The following PDE1A variants were observed in gnomAD, a reference collection of about 807,000 sequenced individuals.
PDE1A encodes the protein phosphodiesterase 1A.
A neutral mutation model predicts 61.7 loss-of-function variants in PDE1A; 35 were observed. The observed-to-expected ratio is 0.57, with a 90% CI of 0.43 to 0.75. The LOEUF (loss-of-function observed/expected upper bound fraction) is 0.75, where lower values mean the gene tolerates loss of function less well. PDE1A is among the 30% of genes least tolerant of loss of function. The probability of loss-of-function intolerance (pLI) is 0.00; values close to 1 mark genes in which losing one functional copy is unlikely to be tolerated. For synonymous variants in PDE1A, 232 were observed against 213.2 expected (o/e 1.09, Z -0.77); for missense variants, 597 against 630.6 (o/e 0.95, Z 0.57).
intron 1 of PDE1A, among the ~76,000 whole-genome samples, chr2:182,338,047 A>G (rs1293331823): frequency 6.6e-6 from 1 of 152,204 alleles, no homozygotes; most frequent in African/African-American, 2.4e-5. Context: ...CACAGTTTGA[A>G]TGGATTAAAA....
intron 1 of PDE1A, among the ~76,000 whole-genome samples, chr2:182,319,820 G>T (rs966977470): frequency 6.6e-6 from 1 of 152,132 alleles, no homozygotes; most frequent in South Asian, 2.1e-4. Flanking sequence ...TATTTAATTG[G>T]CATGTAATGG....
chr2:182,177,081 G>A lies in PDE1A; in HGVS notation c.1517-8791C>T, dbSNP rs971012883. On this transcript the variant is annotated intron_variant, in intron 13 of 13. Coordinates refer to ENST00000351439, the Ensembl canonical transcript of PDE1A. ...CGCTTTTTGATGTGCTGCTGGATTC[G>A]TTTTGCCAGTATTTTATTGAGGATT... Among the ~76,000 whole-genome samples, 229 of 151,272 alleles carry A rather than the reference G, an allele frequency of 1.5e-3. 2 individuals are homozygous for A. The highest frequency in any genetic ancestry group is 0.01 in the Middle Eastern group (3 of 294).
intron 1 of PDE1A, among the ~76,000 whole-genome samples, chr2:182,384,188 TTACAAA>T: frequency 6.6e-6 from 1 of 152,310 alleles, no homozygotes; most frequent in East Asian, 1.9e-4. Context: ...CAAAGCCAGT[TTACAAA>T]TACTGAAATG....
chr2:182,429,695 A>G (rs1703829794), upstream of PDE1A, among the ~76,000 whole-genome samples: 3 of 152,146 alleles, frequency 2.0e-5, no homozygotes, highest in African/African-American at 7.2e-5. Flanking sequence ...AGATCAACCC[A>G]TGTGACTTTT....
chr2:182,496,603 G>C (rs1433137336), intron 2 of PDE1A, among the ~76,000 whole-genome samples: 1 of 152,172 alleles, frequency 6.6e-6, no homozygotes, highest in East Asian at 1.9e-4. Context: ...AATTGAAAGG[G>C]GCCTGAAAGC....
At chr2:182,389,894 G>A (rs1216620277) in intron 1 of PDE1A, among the ~76,000 whole-genome samples, 2 of 152,178 alleles carry the variant, frequency 1.3e-5, no homozygotes, top group Non-Finnish European at 2.9e-5. Flanking sequence ...GATGCTTCCT[G>A]CCCTTGAATA....
intron 1 of PDE1A, among the ~76,000 whole-genome samples, chr2:182,383,535 G>A (rs563272406): frequency 6.6e-6 from 1 of 152,292 alleles, no homozygotes; most frequent in East Asian, 1.9e-4. Context: ...AAGGAAAAGT[G>A]AATTAGATAA....
At chr2:182,515,410 G>A (rs183490284) in intron 2 of PDE1A, among the ~76,000 whole-genome samples, 5 of 152,238 alleles carry the variant, frequency 3.3e-5, no homozygotes, top group Admixed American at 6.5e-5. Flanking sequence ...TGAAGTTTAG[G>A]TAAATTAATA....
chr2:182,229,166 C>T (rs1212745951), intron 6 of PDE1A, among the ~76,000 whole-genome samples: 1 of 152,008 alleles, frequency 6.6e-6, no homozygotes, highest in East Asian at 1.9e-4. Context: ...TTATTTGGCT[C>T]CCTTTACACT....
chr2:182,636,196 G>A, the PDE1A span, among the ~76,000 whole-genome samples: 5 of 151,992 alleles, frequency 3.3e-5, no homozygotes, highest in Non-Finnish European at 5.9e-5. Flanking sequence ...CTGACCTCGT[G>A]ATCTACCCGC....
chr2:182,241,800 A>G, intron 2 of PDE1A: 2 of 1,502,906 alleles, frequency 1.3e-6, no homozygotes, highest in Non-Finnish European at 1.8e-6. Context: ...ATTAATACTT[A>G]CTCTATATGA....
intron 1 of PDE1A, among the ~76,000 whole-genome samples, chr2:182,342,954 A>G (rs1230974741): frequency 6.6e-6 from 1 of 152,224 alleles, no homozygotes; most frequent in African/African-American, 2.4e-5. Flanking sequence ...GTGAATATAC[A>G]ATATGTATAT....
intron 1 of PDE1A, among the ~76,000 whole-genome samples, chr2:182,331,127 G>C (rs550281896): frequency 6.6e-6 from 1 of 152,320 alleles, no homozygotes; most frequent in African/African-American, 2.4e-5. Flanking sequence ...AGCAGATGGA[G>C]GCATAGAGAG....
chr2:182,673,823 C>G, the PDE1A span, among the ~76,000 whole-genome samples: 8 of 151,514 alleles, frequency 5.3e-5, no homozygotes, highest in Non-Finnish European at 8.8e-5. Flanking sequence ...GAAAAACACC[C>G]TAATTTCTTG....
At chr2:182,254,820 T>C (rs144592699) in intron 2 of PDE1A, among the ~76,000 whole-genome samples, 14 of 152,186 alleles carry the variant, frequency 9.2e-5, no homozygotes, top group Admixed American at 7.9e-4. Flanking sequence ...GACAACACAG[T>C]TGTGGTTTGA....
intron 2 of PDE1A, among the ~76,000 whole-genome samples, chr2:182,503,301 C>T (rs1689206837): frequency 6.6e-6 from 1 of 152,116 alleles, no homozygotes; most frequent in Non-Finnish European, 1.5e-5. Context: ...CTTGCCTCTC[C>T]ACTTCTTAGC....
At chr2:182,518,261 G>A (rs1175881522) in intron 2 of PDE1A, among the ~76,000 whole-genome samples, 1 of 151,844 alleles carries the variant, frequency 6.6e-6, no homozygotes, top group Admixed American at 6.6e-5. Flanking sequence ...GTATATTTCT[G>A]CTACATCCTC....
chr2:182,710,018 T>C, the PDE1A span, among the ~76,000 whole-genome samples: 1 of 152,180 alleles, frequency 6.6e-6, no homozygotes, highest in Non-Finnish European at 1.5e-5. Flanking sequence ...TGCCTCAGAC[T>C]CCCGAGTAGC....
At chr2:182,520,697 G>A (rs1690510313) in intron 2 of PDE1A, among the ~76,000 whole-genome samples, 1 of 151,814 alleles carries the variant, frequency 6.6e-6, no homozygotes, top group African/African-American at 2.4e-5. Flanking sequence ...GTAACTACAG[G>A]AAACTAGAAA....
Sources: allele counts gnomAD v4.1 joint callset (sites outside exome capture counted in the v4.1 genomes callset), GRCh38; gene constraint gnomAD v4.1.1; transcripts MANE v1.5; gene names NCBI Gene and HGNC (gene_info 2026-07-23, HGNC 2026-07-21).